Variants in CACNA1D observed in about 807,000 individuals in gnomAD.
The protein encoded by CACNA1D is voltage-dependent L-type calcium channel subunit alpha-1D.
CACNA1D carries 55 observed loss-of-function variants against 257.1 expected under a neutral mutation model. That is an observed-to-expected ratio of 0.21 (90% confidence interval 0.17 to 0.27). The LOEUF is 0.27. Among genes scored for constraint, CACNA1D ranks in the 10% least tolerant of loss-of-function variants. The probability of loss-of-function intolerance (pLI) is 1.00; values close to 1 mark genes in which losing one functional copy is unlikely to be tolerated. For synonymous variants in CACNA1D, 980 were observed against 1,014.9 expected (o/e 0.97, Z 0.65); for missense variants, 1,876 against 2,784.0 (o/e 0.67, Z 7.34).
intron 29 of CACNA1D, among the ~76,000 whole-genome samples, chr3:53,755,142 T>C (rs2095254999): frequency 6.6e-6 from 1 of 152,236 alleles, no homozygotes; most frequent in Non-Finnish European, 1.5e-5. Flanking sequence ...TTGTCTGGAC[T>C]GATGGAAAAG....
chr3:53,519,554 C>T (rs1402160687), intron 3 of CACNA1D, among the ~76,000 whole-genome samples: 1 of 152,086 alleles, frequency 6.6e-6, no homozygotes, highest in Non-Finnish European at 1.5e-5. Flanking sequence ...GCATTGGGAC[C>T]TGGAGGCAAA....
At chr3:53,553,775 A>ATTG (rs1438704083) in intron 3 of CACNA1D, among the ~76,000 whole-genome samples, 92 of 152,072 alleles carry the variant, frequency 6.0e-4, no homozygotes, top group African/African-American at 2.1e-3. Context: ...ATTCCCTGGC[A>ATTG]GTCAGTCTTT....
chr3:53,767,530 C>CA lies in CACNA1D; in HGVS notation c.3871-2442dup, dbSNP rs1160694158. On this transcript the variant is annotated intron_variant, in intron 30 of 47. Transcript: ENST00000350061. ...GCAGTGAGCCAAGATCATGCCACTG[C>CA]ACTCCAGCCTGGGTGACAGAGGGAG... Among the ~76,000 whole-genome samples the CA allele has an allele frequency of 6.4e-4, 95 of 148,342 alleles. 1 individual carries two copies. The highest frequency in any genetic ancestry group is 2.4e-3 in the African/African-American group (95 of 39,934).
intron 3 of CACNA1D, among the ~76,000 whole-genome samples, chr3:53,617,021 A>T (rs527460142): frequency 6.6e-6 from 1 of 152,232 alleles, no homozygotes; most frequent in African/African-American, 2.4e-5. Flanking sequence ...CCTTGCTTCC[A>T]GATGCTGCCT....
chr3:53,702,938 T>G, intron 9 of CACNA1D, 128 bp downstream of exon 9: 1 of 949,856 alleles, frequency 1.1e-6, no homozygotes, highest in Non-Finnish European at 1.7e-6. Flanking sequence ...ATCTGGTCCC[T>G]TCTGCCTGCA....
At chr3:53,573,420 G>A (rs1393274149) in intron 3 of CACNA1D, among the ~76,000 whole-genome samples, 1 of 152,108 alleles carries the variant, frequency 6.6e-6, no homozygotes, top group Non-Finnish European at 1.5e-5. Context: ...CTTCTTTTAA[G>A]AACTTTTTTT....
At chr3:53,555,441 T>TGG (rs2092621580) in intron 3 of CACNA1D, among the ~76,000 whole-genome samples, 2 of 108,920 alleles carry the variant, frequency 1.8e-5, no homozygotes, top group African/African-American at 3.8e-5. Flanking sequence ...CTGGTGGGTG[T>TGG]GTGTGTGTGT....
At chr3:53,532,539 G>A (rs1163584773) in intron 3 of CACNA1D, among the ~76,000 whole-genome samples, 1 of 152,198 alleles carries the variant, frequency 6.6e-6, no homozygotes, top group East Asian at 1.9e-4. Context: ...TGAAGAGATG[G>A]ATAAAGATAA....
At chr3:53,693,772 G>A (rs556761662) in intron 8 of CACNA1D, among the ~76,000 whole-genome samples, 12 of 152,012 alleles carry the variant, frequency 7.9e-5, no homozygotes, top group African/African-American at 1.7e-4. Flanking sequence ...AGTGATTTTC[G>A]TGGCAGTTTT....
intron 3 of CACNA1D, among the ~76,000 whole-genome samples, chr3:53,544,110 A>G (rs1469104686): frequency 6.6e-6 from 1 of 152,128 alleles, no homozygotes; most frequent in East Asian, 1.9e-4. Context: ...CATAATCAGG[A>G]TATTTCATGG....
At chr3:53,798,969 G>GGAGGAAGGACA (rs1283040228) in intron 40 of CACNA1D, among the ~76,000 whole-genome samples, 1 of 152,206 alleles carries the variant, frequency 6.6e-6, no homozygotes, top group East Asian at 1.9e-4. Context: ...GAGGTGTTGT[G>GGAGGAAGGACA]GAGGAAGGAC....
Position 53,811,685 on chromosome 3 carries a change from C to T in CACNA1D, c.*279C>T. On this transcript the variant is annotated 3_prime_UTR_variant, in exon 48 of 48. Transcript: ENST00000350061. The surrounding 1 kb of genome is among the most constrained non-coding windows in gnomAD (Gnocchi z 4.2). ...GGATGGGTGAGGAGGCCAGACCTGC[C>T]CTGCCCCATTGTCCAGATGGGCACT... 1 of 336,554 alleles carries T rather than the reference C, an allele frequency of 3.0e-6. No homozygotes were observed. The allele number at this position is 336,554 out of a possible 1,614,324, so 20.8% of individuals were successfully genotyped here. A position where few individuals can be genotyped will look rare whatever the true frequency, so the allele number is the denominator to read the frequency against.
chr3:53,740,398 A>C (rs1354189061), intron 21 of CACNA1D, 59 bp downstream of exon 21: 1 of 1,169,594 alleles, frequency 8.5e-7, no homozygotes, highest in Non-Finnish European at 1.3e-6. Flanking sequence ...TAATAGTTGC[A>C]CTTCTTTGTT....
At chr3:53,754,927 CA>C (rs1559629998) in intron 29 of CACNA1D, among the ~76,000 whole-genome samples, 1 of 151,974 alleles carries the variant, frequency 6.6e-6, no homozygotes. Flanking sequence ...CTTTGTGGAC[CA>C]AAAAGAAAGG....
intron 3 of CACNA1D, among the ~76,000 whole-genome samples, chr3:53,578,985 G>T (rs998189055): frequency 7.2e-5 from 11 of 152,286 alleles, no homozygotes; most frequent in African/African-American, 2.6e-4. Context: ...GACGAGGATG[G>T]GTATGCTGGG....
At chr3:53,638,420 G>C (rs2093910901) in intron 3 of CACNA1D, among the ~76,000 whole-genome samples, 1 of 152,180 alleles carries the variant, frequency 6.6e-6, no homozygotes, top group African/African-American at 2.4e-5. Context: ...GTATTTAGCA[G>C]TTACTCTGCA....
At position 53,775,897 on chromosome 3, in the gene CACNA1D, G is replaced by T. The variant is rs971804425; in HGVS notation, c.4214G>T (p.Gly1405Val). 1 of 1,614,044 alleles carries T rather than the reference G, an allele frequency of 6.2e-7. No individual in the cohort carries two copies. The highest frequency in any genetic ancestry group is 1.3e-5 in the African/African-American group (1 of 74,924). The change falls in exon 35 of 48, where the codon GGT becomes GTT. Residue 1405 changes from glycine to valine, a missense_variant. Transcript: ENST00000350061. Reference sequence around the variant, plus strand: ...TTCATCTGAAAAAGGTGTGCAACAGGTGAGGCCTGGCAGGAGATCATGCTG... The same window carrying T: ...TTCATCTGAAAAAGGTGTGCAACAGTTGAGGCCTGGCAGGAGATCATGCTG... ...AVLLLFRCATGEAWQEIMLAC... is the reference protein window; with the variant it reads ...AVLLLFRCATVEAWQEIMLAC...
intron 3 of CACNA1D, among the ~76,000 whole-genome samples, chr3:53,561,449 T>G (rs2092737245): frequency 6.6e-6 from 1 of 152,214 alleles, no homozygotes; most frequent in East Asian, 1.9e-4. Context: ...TCATGGTAGC[T>G]GTGAGAGTTT....
In CACNA1D at chr3:53,785,569, A is replaced by T. The variant is rs1186780671; in HGVS notation, c.4793-1253A>T. The T allele has an allele frequency of 2.0e-5, 3 of 152,252 alleles. 1 individual carries two copies. The highest frequency in any genetic ancestry group is 4.4e-5 in the Non-Finnish European group (3 of 68,054). 9.4% of individuals were successfully genotyped at this position (152,252 alleles called of 1,614,324 possible). A position where few individuals can be genotyped will look rare whatever the true frequency, so the allele number is the denominator to read the frequency against. ...GTTCTCCATGTCCCCCAGCCCATCA[A>T]GCTTCAGGATCCATGTCAATGGATG... On this transcript the variant is annotated intron_variant, in intron 39 of 47. Coordinates refer to ENST00000350061, the MANE Select transcript of CACNA1D (RefSeq NM_001128840.3).
Sources: gnomAD v4.1 joint callset for allele counts (sites outside exome capture counted in the v4.1 genomes callset) on GRCh38, gnomAD v4.1.1 for gene constraint, Gnocchi (gnomAD v3.1) non-coding constraint, MANE v1.5 for transcripts, NCBI Gene and HGNC (gene_info 2026-07-23, HGNC 2026-07-21) for gene names.